Variants in ST3GAL3 observed in about 807,000 individuals in gnomAD.
ST3GAL3 encodes the protein CMP-N-acetylneuraminate-beta-1,4-galactoside alpha-2,3-sialyltransferase.
In ST3GAL3, 21 loss-of-function variants were observed where a neutral mutation model predicts 50.1. The observed-to-expected ratio is 0.42, with a 90% confidence interval of 0.30 to 0.60. ST3GAL3 has a LOEUF of 0.60. Among genes scored for constraint, ST3GAL3 ranks in the 20% least tolerant of loss-of-function variants. The probability of loss-of-function intolerance (pLI) is 0.19; values close to 1 mark genes in which losing one functional copy is unlikely to be tolerated. For synonymous variants in ST3GAL3, 183 were observed against 190.0 expected, an observed-to-expected ratio of 0.96 and a Z score of 0.30; for missense variants, 353 against 489.4, an observed-to-expected ratio of 0.72 and a Z score of 2.63.
At chr1:43,843,741 C>A (rs559011629) in intron 5 of ST3GAL3, among the ~76,000 whole-genome samples, 1 of 152,174 alleles carries the variant, frequency 6.6e-6, no homozygotes, top group Non-Finnish European at 1.5e-5. Flanking sequence ...TATTCTCATG[C>A]GCCACTGAAC....
intron 5 of ST3GAL3, among the ~76,000 whole-genome samples, chr1:43,860,995 C>T (rs113549053): frequency 0.013 from 1,952 of 152,312 alleles, 48 homozygotes; most frequent in African/African-American, 0.045. Context: ...CACCTGGCCT[C>T]ACCGCTGTTT....
chr1:43,750,302 T>C (rs1433070023), intron 2 of ST3GAL3, among the ~76,000 whole-genome samples: 1 of 152,224 alleles, frequency 6.6e-6, no homozygotes, highest in Non-Finnish European at 1.5e-5. Flanking sequence ...GTTTAGTACA[T>C]GACTCAGCAA....
chr1:43,899,716 A>G lies in ST3GAL3; in HGVS notation c.733A>G (p.Lys245Glu). The stretch of plus-strand genomic sequence containing the variant: ...TAAGTGGTTGAAATACATCGTCTAC[A>G]AGGAGAGAGTGGTAAGCTCTCCTGG... The part of the protein sequence containing the change: ...DFKWLKYIVY[K>E]ERVSASDGFW... The change falls in exon 9 of 12, where the codon AAG (lysine) becomes GAG (glutamate). Residue 245 changes from lysine to glutamate, a missense_variant. Transcript: ENST00000347631. This position sits in a 1 kb window ranked among gnomAD's most constrained non-coding sequence, Gnocchi z 5.4. 1.2e-6 allele frequency: 2 copies of G among 1,613,972 alleles called. No homozygotes were observed. The highest frequency in any genetic ancestry group is 1.7e-6 in the Non-Finnish European group (2 of 1,180,016).
chr1:43,904,423 G>A (rs1194733716), intron 9 of ST3GAL3, among the ~76,000 whole-genome samples: 1 of 151,950 alleles, frequency 6.6e-6, no homozygotes, highest in African/African-American at 2.4e-5. Flanking sequence ...TCTGAGACCA[G>A]CTCTTCGAGG....
At chr1:43,769,207 A>C (rs927211193) in intron 2 of ST3GAL3, among the ~76,000 whole-genome samples, 9 of 152,346 alleles carry the variant, frequency 5.9e-5, no homozygotes, top group African/African-American at 2.2e-4. Flanking sequence ...AAAATTCAGC[A>C]TGTGTTGATG....
chr1:43,736,418 T>A (rs1199148619), intron 2 of ST3GAL3, 38 bp downstream of exon 2: 3 of 1,614,018 alleles, frequency 1.9e-6, no homozygotes, highest in Admixed American at 1.7e-5. Flanking sequence ...AGGAGAAGCC[T>A]GTTGCAGGTC....
intron 1 of ST3GAL3, among the ~76,000 whole-genome samples, chr1:43,718,734 C>T (rs1668791853): frequency 1.6e-5 from 2 of 124,446 alleles, no homozygotes; most frequent in African/African-American, 3.0e-5. Flanking sequence ...GTCACCCAGC[C>T]TGGAGTGCAG....
chr1:43,847,962 G>A (rs2066531951), intron 5 of ST3GAL3, among the ~76,000 whole-genome samples: 2 of 152,048 alleles, frequency 1.3e-5, no homozygotes, highest in South Asian at 2.1e-4. Flanking sequence ...ATTTCTTGTG[G>A]GGCAGGTCCG....
intron 5 of ST3GAL3, among the ~76,000 whole-genome samples, chr1:43,855,634 A>C (rs113381878): frequency 3.3e-5 from 5 of 151,252 alleles, no homozygotes; most frequent in African/African-American, 1.2e-4. Flanking sequence ...AATTAAATTT[A>C]AAAAAAAAGG....
chr1:43,818,917 C>T (rs915051495), intron 4 of ST3GAL3, among the ~76,000 whole-genome samples: 7 of 152,080 alleles, frequency 4.6e-5, no homozygotes, highest in African/African-American at 1.7e-4. Flanking sequence ...AAGGGGTTGG[C>T]GAACTCTTTT....
intron 3 of ST3GAL3, among the ~76,000 whole-genome samples, chr1:43,803,173 G>C (rs572061442): frequency 6.6e-6 from 1 of 152,038 alleles, no homozygotes; most frequent in African/African-American, 2.4e-5. Flanking sequence ...ATCCGCCCGC[G>C]TTGGCCTCCC....
At chr1:43,718,496 A>G (rs1389400029) in intron 1 of ST3GAL3, among the ~76,000 whole-genome samples, 1 of 150,864 alleles carries the variant, frequency 6.6e-6, no homozygotes, top group Non-Finnish European at 1.5e-5. Context: ...TCTATCATTA[A>G]ATCTTAATAT....
chr1:43,815,719 G>GT (rs1479560578), intron 4 of ST3GAL3, among the ~76,000 whole-genome samples: 1 of 152,112 alleles, frequency 6.6e-6, no homozygotes, highest in East Asian at 1.9e-4. Flanking sequence ...ATTTCACAGA[G>GT]TTTTTGTAAG....
chr1:43,805,751 T>C (rs1293993049), intron 3 of ST3GAL3, among the ~76,000 whole-genome samples: 1 of 152,164 alleles, frequency 6.6e-6, no homozygotes, highest in East Asian at 1.9e-4. Flanking sequence ...TTTCTTTTCT[T>C]TTTTGACGGA....
intron 3 of ST3GAL3, among the ~76,000 whole-genome samples, chr1:43,810,736 G>A (rs1011673809): frequency 2.0e-5 from 3 of 152,056 alleles, no homozygotes; most frequent in East Asian, 3.9e-4. Flanking sequence ...CAGGAGTTTC[G>A]CCCTTGGGAG....
intron 11 of ST3GAL3, among the ~76,000 whole-genome samples, chr1:43,928,774 T>C (rs1442683461): frequency 6.6e-6 from 1 of 151,728 alleles, no homozygotes; most frequent in African/African-American, 2.4e-5. Flanking sequence ...CTGGGTGTGG[T>C]GGTGCACTCC....
intron 5 of ST3GAL3, among the ~76,000 whole-genome samples, chr1:43,877,674 A>G (rs989874328): frequency 6.6e-6 from 1 of 152,176 alleles, no homozygotes; most frequent in Admixed American, 6.5e-5. Context: ...AGTTAGAAAT[A>G]TGTGTCTGGA....
intron 9 of ST3GAL3, among the ~76,000 whole-genome samples, chr1:43,917,499 A>G (rs1225623645): frequency 2.8e-5 from 2 of 71,992 alleles, no homozygotes; most frequent in Non-Finnish European, 5.2e-5. Context: ...AATATATATA[A>G]TATATTATAT....
chr1:43,831,146 T>TA (rs1430000991), intron 4 of ST3GAL3, among the ~76,000 whole-genome samples: 1 of 152,240 alleles, frequency 6.6e-6, no homozygotes, highest in African/African-American at 2.4e-5. Flanking sequence ...ACTGGTGGCT[T>TA]AAACTCCAAT....
Sources: allele counts gnomAD v4.1 joint callset (sites outside exome capture counted in the v4.1 genomes callset), GRCh38; gene constraint gnomAD v4.1.1; non-coding constraint Gnocchi (gnomAD v3.1); transcripts MANE v1.5; gene names NCBI Gene and HGNC (gene_info 2026-07-23, HGNC 2026-07-21).